NXPE2: variants seen among roughly 807,000 people sequenced by gnomAD.
NXPE2 encodes the protein neurexophilin and PC-esterase domain family member 2.
A neutral mutation model predicts 34.4 loss-of-function variants in NXPE2; 34 were observed. That is an observed-to-expected ratio of 0.99 (90% CI 0.75 to 1.31). NXPE2 has a LOEUF of 1.31. NXPE2 is among the 40% of genes most tolerant of loss of function. The pLI is 0.00. For synonymous variants in NXPE2, 235 were observed against 231.3 expected, an observed-to-expected ratio of 1.02 and a Z score of -0.15; for missense variants, 649 against 672.5, an observed-to-expected ratio of 0.97 and a Z score of 0.39.
chr11:114,797,768 G>A, the NXPE2 span, among the ~76,000 whole-genome samples: 4 of 152,250 alleles, frequency 2.6e-5, no homozygotes, highest in East Asian at 3.9e-4. Context: ...GATGGTGTCC[G>A]TGAACTTTGG....
At chr11:114,671,357 A>C in the NXPE2 span, among the ~76,000 whole-genome samples, 1 of 151,996 alleles carries the variant, frequency 6.6e-6, no homozygotes, top group South Asian at 2.1e-4. Flanking sequence ...ATAGGGAGAA[A>C]GGACCAGAAA....
At chr11:114,636,976 G>A in the NXPE2 span, among the ~76,000 whole-genome samples, 4 of 152,136 alleles carry the variant, frequency 2.6e-5, no homozygotes, top group South Asian at 8.3e-4. Flanking sequence ...ATGTCTATTA[G>A]GTCCACTTGG....
chr11:114,750,317 G>A, the NXPE2 span, among the ~76,000 whole-genome samples: 71 of 152,196 alleles, frequency 4.7e-4, no homozygotes, highest in Admixed American at 9.8e-4. Flanking sequence ...ACATGTCTGC[G>A]GACAAGTTTT....
At chr11:114,762,610 C>T in the NXPE2 span, among the ~76,000 whole-genome samples, 1 of 152,144 alleles carries the variant, frequency 6.6e-6, no homozygotes, top group Admixed American at 6.5e-5. Flanking sequence ...GGAAGTTGGG[C>T]TTGCACTGAC....
the NXPE2 span, among the ~76,000 whole-genome samples, chr11:114,623,706 C>A: frequency 6.6e-6 from 1 of 152,100 alleles, no homozygotes; most frequent in African/African-American, 2.4e-5. Context: ...AACAGTGTTA[C>A]CCGATGGATA....
the NXPE2 span, among the ~76,000 whole-genome samples, chr11:114,539,895 A>G: frequency 6.6e-6 from 1 of 152,208 alleles, no homozygotes; most frequent in African/African-American, 2.4e-5. Context: ...GTTTCACTAT[A>G]TTGAAAAAAA....
the NXPE2 span, among the ~76,000 whole-genome samples, chr11:114,601,074 T>A: frequency 6.6e-6 from 1 of 152,014 alleles, no homozygotes; most frequent in South Asian, 2.1e-4. Flanking sequence ...CACACTGTTG[T>A]TTTTTGTTTT....
At chr11:114,580,013 G>T in the NXPE2 span, 1 of 812,834 alleles carries the variant, frequency 1.2e-6, no homozygotes, top group Non-Finnish European at 2.0e-6. Flanking sequence ...GAAAAATTTT[G>T]GTGTGTTGTG....
chr11:114,626,889 T>C, the NXPE2 span, among the ~76,000 whole-genome samples: 1 of 151,864 alleles, frequency 6.6e-6, no homozygotes, highest in Non-Finnish European at 1.5e-5. Flanking sequence ...CCTCAGGAGC[T>C]GATGCGATCA....
chr11:114,774,025 A>G, the NXPE2 span, among the ~76,000 whole-genome samples: 8 of 152,212 alleles, frequency 5.3e-5, no homozygotes, highest in African/African-American at 1.7e-4. Flanking sequence ...CAGTTGGCCT[A>G]CCAAAGTGAG....
the NXPE2 span, among the ~76,000 whole-genome samples, chr11:114,717,544 C>G: frequency 1.3e-5 from 2 of 152,224 alleles, no homozygotes; most frequent in Admixed American, 6.5e-5. Context: ...CAAACCCAGT[C>G]TTCACCACTT....
At chr11:114,475,226 G>GTTTTTTTTTTTTTT in the NXPE2 span, among the ~76,000 whole-genome samples, 26 of 88,054 alleles carry the variant, frequency 3.0e-4, 3 homozygotes, top group African/African-American at 4.9e-4. Flanking sequence ...AATGTGAACT[G>GTTTTTTTTTTTTTT]TTTTTTTTTT....
At chr11:114,671,046 T>C in the NXPE2 span, among the ~76,000 whole-genome samples, 4 of 147,858 alleles carry the variant, frequency 2.7e-5, no homozygotes, top group Admixed American at 2.0e-4. Context: ...AATATATATA[T>C]ATAAAAATAT....
At chr11:114,662,457 C>G in the NXPE2 span, among the ~76,000 whole-genome samples, 21 of 152,170 alleles carry the variant, frequency 1.4e-4, no homozygotes, top group African/African-American at 5.1e-4. Context: ...ACTTGAAAGA[C>G]AGTCTAGGCC....
the NXPE2 span, among the ~76,000 whole-genome samples, chr11:114,559,216 C>G: frequency 6.6e-6 from 1 of 152,280 alleles, no homozygotes; most frequent in South Asian, 2.1e-4. Context: ...CATCCTACTG[C>G]CCACCTGGGG....
At chr11:114,584,897 T>C in the NXPE2 span, among the ~76,000 whole-genome samples, 98 of 152,298 alleles carry the variant, frequency 6.4e-4, no homozygotes, top group African/African-American at 2.3e-3. Flanking sequence ...CCTTGCCACC[T>C]ATCCCTCTGC....
chr11:114,675,112 A>T (rs889898704), upstream of NXPE2, among the ~76,000 whole-genome samples: 20 of 151,762 alleles, frequency 1.3e-4, no homozygotes, highest in African/African-American at 3.6e-4. Flanking sequence ...TTTCATGAGA[A>T]AAAAACTCTA....
At chr11:114,690,946 T>G (rs1951137940) in intron 2 of NXPE2, among the ~76,000 whole-genome samples, 1 of 152,068 alleles carries the variant, frequency 6.6e-6, no homozygotes, top group African/African-American at 2.4e-5. Flanking sequence ...TGATTCTTTC[T>G]TAGTACAGCT....
the NXPE2 span, chr11:114,554,444 T>A: frequency 1.1e-6 from 1 of 915,600 alleles, no homozygotes; most frequent in Admixed American, 6.2e-5. Context: ...CATGGGCCCT[T>A]TGATAATCAG....
Sources: gnomAD v4.1 joint callset for allele counts (sites outside exome capture counted in the v4.1 genomes callset) on GRCh38, gnomAD v4.1.1 for gene constraint, MANE v1.5 for transcripts, NCBI Gene and HGNC (gene_info 2026-07-23, HGNC 2026-07-21) for gene names.